Variants in ENTHD1 observed in about 807,000 individuals in gnomAD.
ENTHD1 encodes ENTH domain-containing protein 1.
ENTHD1 carries 23 observed loss-of-function variants against 39.1 expected under a neutral mutation model. That is an observed-to-expected ratio of 0.59 (90% CI 0.42 to 0.83). ENTHD1 has a LOEUF of 0.83. Ranked by LOEUF, ENTHD1 falls within the 40% of genes least tolerant of loss-of-function variation. The pLI, the probability that ENTHD1 is intolerant of heterozygous loss-of-function variation, is 0.00. For missense variants in ENTHD1, 624 were observed against 705.4 expected, an observed-to-expected ratio of 0.88 and a Z score of 1.31; for synonymous variants, 230 against 258.2, an observed-to-expected ratio of 0.89 and a Z score of 1.05.
At chr22:39,879,694 G>A (rs573610467) in intron 2 of ENTHD1, among the ~76,000 whole-genome samples, 98 of 152,172 alleles carry the variant, frequency 6.4e-4, no homozygotes, top group Non-Finnish European at 1.3e-3. Flanking sequence ...AAATGGGGCT[G>A]CCACTTTAAA....
intron 4 of ENTHD1, 71 bp from the exon 5 acceptor site, chr22:39,821,184 C>A: frequency 6.5e-7 from 1 of 1,540,070 alleles, no homozygotes. Context: ...ATTTATTGAG[C>A]TACAAAGTAT....
At chr22:39,783,546 G>A (rs967200605) in intron 5 of ENTHD1, among the ~76,000 whole-genome samples, 1 of 152,038 alleles carries the variant, frequency 6.6e-6, no homozygotes, top group Admixed American at 6.6e-5. Flanking sequence ...TAAAAAAACA[G>A]ATGCACAGAC....
intron 2 of ENTHD1, among the ~76,000 whole-genome samples, chr22:39,878,495 CA>C (rs753987042): frequency 0.039 from 4,468 of 114,140 alleles, 58 homozygotes; most frequent in Middle Eastern, 0.094. Context: ...ATTTTTTTTT[CA>C]AAAAAAAAAA....
intron 5 of ENTHD1, among the ~76,000 whole-genome samples, chr22:39,810,061 T>G (rs1246456974): frequency 6.6e-6 from 1 of 152,116 alleles, no homozygotes; most frequent in African/African-American, 2.4e-5. Context: ...CTTATCCAGC[T>G]CCTAAGCCTA....
intron 2 of ENTHD1, among the ~76,000 whole-genome samples, chr22:39,864,265 G>A (rs2066167216): frequency 6.6e-6 from 1 of 151,940 alleles, no homozygotes; most frequent in African/African-American, 2.4e-5. Flanking sequence ...AGCTACCCTG[G>A]TGCTTTATTC....
At chr22:39,753,446 C>T (rs2065161962) in intron 6 of ENTHD1, among the ~76,000 whole-genome samples, 2 of 152,186 alleles carry the variant, frequency 1.3e-5, no homozygotes, top group Admixed American at 1.3e-4. Flanking sequence ...GTTGCAGCAG[C>T]AAATACATCC....
At chr22:39,871,589 T>C (rs2066244504) in intron 2 of ENTHD1, among the ~76,000 whole-genome samples, 1 of 152,246 alleles carries the variant, frequency 6.6e-6, no homozygotes, top group African/African-American at 2.4e-5. Context: ...GACACAGCAC[T>C]GAAAGGGCTA....
chr22:39,796,216 C>CTACTTACT (rs765905877), intron 5 of ENTHD1, among the ~76,000 whole-genome samples: 51 of 152,158 alleles, frequency 3.4e-4, no homozygotes, highest in South Asian at 1.0e-3. Context: ...CCTCTTACTA[C>CTACTTACT]TGCTTTTGCT....
chr22:39,869,419 T>C (rs1281375214), intron 2 of ENTHD1, among the ~76,000 whole-genome samples: 1 of 151,988 alleles, frequency 6.6e-6, no homozygotes, highest in Non-Finnish European at 1.5e-5. Flanking sequence ...GAGCTAAACA[T>C]TGGGTACCCA....
intron 2 of ENTHD1, among the ~76,000 whole-genome samples, chr22:39,874,033 A>G (rs1018980825): frequency 3.3e-5 from 5 of 152,220 alleles, no homozygotes; most frequent in African/African-American, 1.2e-4. Context: ...AGAGCAAGTC[A>G]CATCTTATGT....
chr22:39,755,372 C>T (rs1417353229), intron 6 of ENTHD1, among the ~76,000 whole-genome samples: 8 of 152,044 alleles, frequency 5.3e-5, no homozygotes, highest in South Asian at 2.1e-4. Flanking sequence ...AGGGAACAAC[C>T]GTGGTGAAGC....
chr22:39,851,594 A>G (rs924424764), intron 3 of ENTHD1, among the ~76,000 whole-genome samples: 1 of 152,186 alleles, frequency 6.6e-6, no homozygotes, highest in African/African-American at 2.4e-5. Context: ...AAATGAGTAC[A>G]CTTTCTCAAT....
At chr22:39,804,560 C>T (rs2065626022) in intron 5 of ENTHD1, among the ~76,000 whole-genome samples, 1 of 151,934 alleles carries the variant, frequency 6.6e-6, no homozygotes, top group African/African-American at 2.4e-5. Flanking sequence ...CTCTTCAATA[C>T]ATTACCAATT....
intron 1 of ENTHD1, among the ~76,000 whole-genome samples, chr22:39,888,590 G>A (rs1268985814): frequency 6.6e-6 from 1 of 152,066 alleles, no homozygotes; most frequent in African/African-American, 2.4e-5. Flanking sequence ...ACCACACCTG[G>A]CTAATTTTTG....
intron 4 of ENTHD1, among the ~76,000 whole-genome samples, chr22:39,832,797 G>A (rs2146671046): frequency 6.6e-6 from 1 of 152,292 alleles, no homozygotes; most frequent in Admixed American, 6.5e-5. Flanking sequence ...AAATGTGTGT[G>A]AGAGTGAGTA....
chr22:39,747,021 G>C (rs771778585), intron 6 of ENTHD1, among the ~76,000 whole-genome samples: 9 of 152,064 alleles, frequency 5.9e-5, no homozygotes, highest in Non-Finnish European at 1.3e-4. Context: ...ACAGGACCTT[G>C]CTCTGTCACC....
chr22:39,867,140 CGATCCACCCACCTCA>C lies in ENTHD1; in HGVS notation c.350-5148_350-5134del, dbSNP rs2066189256. The stretch of plus-strand genomic sequence containing the variant: ...GGATGGTCTTGATCTCCTGACCTCA[CGATCCACCCACCTCA>C]GCCTCCCAAAGTGCTGGGATTACAG... On this transcript the variant is annotated intron_variant, in intron 2 of 6. Coordinates refer to ENST00000325157, the MANE Select transcript of ENTHD1 (RefSeq NM_152512.4). The surrounding 1 kb of genome is among the most constrained non-coding windows in gnomAD (Gnocchi z 4.5). 6.6e-6 allele frequency among the ~76,000 whole-genome samples: 1 copy of C among 152,078 alleles called. No individual in the cohort carries two copies. The highest frequency in any genetic ancestry group is 1.5e-5 in the Non-Finnish European group (1 of 68,000).
chr22:39,883,251 T>C (rs2066354243), intron 2 of ENTHD1, among the ~76,000 whole-genome samples: 1 of 152,008 alleles, frequency 6.6e-6, no homozygotes, highest in Non-Finnish European at 1.5e-5. Flanking sequence ...TCATCAAGAG[T>C]ACTCATAAAG....
At chr22:39,843,537 C>G (rs1025829171) in intron 3 of ENTHD1, among the ~76,000 whole-genome samples, 2 of 151,738 alleles carry the variant, frequency 1.3e-5, no homozygotes, top group African/African-American at 4.8e-5. Flanking sequence ...GTGCAGCGCA[C>G]CAGCGTGGCA....
Sources: gnomAD v4.1 joint callset for allele counts (sites outside exome capture counted in the v4.1 genomes callset) on GRCh38, gnomAD v4.1.1 for gene constraint, Gnocchi (gnomAD v3.1) non-coding constraint, MANE v1.5 for transcripts, NCBI Gene and HGNC (gene_info 2026-07-23, HGNC 2026-07-21) for gene names.